The following SHLD1 variants were observed in gnomAD, a reference collection of about 807,000 sequenced individuals.
The protein encoded by SHLD1 is RINN1-REV7-interacting novel NHEJ regulator 3.
A neutral mutation model predicts 5.5 loss-of-function variants in SHLD1; 3 were observed. That is an observed-to-expected ratio of 0.54 (90% confidence interval 0.25 to 1.40). SHLD1 has a LOEUF of 1.40. SHLD1 is among the 40% of genes most tolerant of loss of function. The probability of loss-of-function intolerance (pLI) is 0.15; values close to 1 mark genes in which losing one functional copy is unlikely to be tolerated. For missense variants in SHLD1, 210 were observed against 244.4 expected (o/e 0.86, Z 0.94); for synonymous variants, 92 against 94.3 (o/e 0.98, Z 0.14).
At chr20:5,784,510 G>T (rs1337117854) in intron 2 of SHLD1, among the ~76,000 whole-genome samples, 1 of 151,764 alleles carries the variant, frequency 6.6e-6, no homozygotes, top group Non-Finnish European at 1.5e-5. Flanking sequence ...GAGTGCAGTG[G>T]CGCGATCTCG....
chr20:5,763,728 T>C (rs1037677999), intron 1 of SHLD1, among the ~76,000 whole-genome samples: 2 of 152,148 alleles, frequency 1.3e-5, no homozygotes, highest in Non-Finnish European at 2.9e-5. Context: ...CTTCTGGACA[T>C]GTCCTTAAAG....
At chr20:5,825,618 T>C (rs1397895647) in intron 2 of SHLD1, among the ~76,000 whole-genome samples, 1 of 152,208 alleles carries the variant, frequency 6.6e-6, no homozygotes, top group Non-Finnish European at 1.5e-5. Flanking sequence ...CTCATGCCTG[T>C]AATCCCAGTG....
At chr20:5,825,592 A>G (rs2087656547) in intron 2 of SHLD1, among the ~76,000 whole-genome samples, 6 of 152,208 alleles carry the variant, frequency 3.9e-5, no homozygotes. Flanking sequence ...TTAAAATAAC[A>G]AGGCCGGCAC....
intron 1 of SHLD1, among the ~76,000 whole-genome samples, chr20:5,762,419 A>G (rs1052516827): frequency 6.6e-6 from 1 of 152,132 alleles, no homozygotes; most frequent in African/African-American, 2.4e-5. Context: ...CCACAGGCCC[A>G]CTGGATCTGG....
At chr20:5,762,482 G>C (rs1984522005) in intron 1 of SHLD1, among the ~76,000 whole-genome samples, 1 of 152,038 alleles carries the variant, frequency 6.6e-6, no homozygotes, top group Non-Finnish European at 1.5e-5. Flanking sequence ...TGAGCTTTTG[G>C]CCAATGGCAG....
chr20:5,845,569 T>C lies in SHLD1; in HGVS notation c.179-17455T>C, dbSNP rs977763554. On this transcript the variant is annotated intron_variant, in intron 2 of 2. Transcript: ENST00000303142. ...GAAAGTAAAACTGTGTTGCCTGCATTGCACAGAACTGATGTTAGAATACCT... is the reference window on the plus strand; with the variant it reads ...GAAAGTAAAACTGTGTTGCCTGCATCGCACAGAACTGATGTTAGAATACCT... Among the ~76,000 whole-genome samples the C allele has an allele frequency of 3.9e-5, 6 of 152,356 alleles. No homozygotes were observed. The South Asian group carries it at 1.2e-3, about 32-fold the overall frequency.
rs371905126 is a variant in SHLD1, at chr20:5,792,678, T to A, written c.178+19635T>A. 8.4e-3 allele frequency among the ~76,000 whole-genome samples: 1,000 copies of A among 119,112 alleles called. 14 individuals carry two copies. The highest frequency in any genetic ancestry group is 0.029 in the African/African-American group (942 of 32,086). 78.1% of individuals were successfully genotyped at this position (119,112 alleles called of 152,430 possible). On this transcript the variant is annotated intron_variant, in intron 2 of 2. Transcript: ENST00000303142. ...CAGGTGATCTGCCGTTTTCTTTTTT[T>A]TAAAAAAAAAAAAGAAAAAGAGTCT...
intron 2 of SHLD1, among the ~76,000 whole-genome samples, chr20:5,816,391 CAAT>C (rs1293536808): frequency 6.6e-6 from 1 of 152,014 alleles, no homozygotes; most frequent in Non-Finnish European, 1.5e-5. Context: ...GGTTTGCCAA[CAAT>C]GATTTGAAAA....
chr20:5,759,247 C>T (rs1477307484), intron 1 of SHLD1, among the ~76,000 whole-genome samples: 1 of 151,508 alleles, frequency 6.6e-6, no homozygotes, highest in African/African-American at 2.4e-5. Flanking sequence ...GCCACGGTGC[C>T]CAGCCGACAC....
At chr20:5,846,231 A>G (rs921730879) in intron 2 of SHLD1, among the ~76,000 whole-genome samples, 1 of 152,206 alleles carries the variant, frequency 6.6e-6, no homozygotes, top group African/African-American at 2.4e-5. Flanking sequence ...TGGGAGGCCC[A>G]CAATCTCCTC....
At chr20:5,801,305 A>G (rs1233150992) in intron 2 of SHLD1, among the ~76,000 whole-genome samples, 1 of 151,920 alleles carries the variant, frequency 6.6e-6, no homozygotes, top group Non-Finnish European at 1.5e-5. Context: ...CAAACTCCTT[A>G]CCTCAAGCGA....
chr20:5,766,788 A>G (rs1055891391), intron 1 of SHLD1, among the ~76,000 whole-genome samples: 6 of 152,136 alleles, frequency 3.9e-5, no homozygotes, highest in Non-Finnish European at 8.8e-5. Context: ...CTCTTCTTAT[A>G]GCGTCAGGGT....
intron 2 of SHLD1, among the ~76,000 whole-genome samples, chr20:5,849,908 G>C (rs1444125348): frequency 7.0e-6 from 1 of 143,472 alleles, no homozygotes; most frequent in Non-Finnish European, 1.5e-5. Context: ...GCAGTGAGCC[G>C]AGATTCCGCC....
intron 2 of SHLD1, among the ~76,000 whole-genome samples, chr20:5,835,011 A>G (rs1457186437): frequency 6.6e-6 from 1 of 152,218 alleles, no homozygotes; most frequent in East Asian, 1.9e-4. Flanking sequence ...GGATTTCAAC[A>G]TATGAATAGG....
intron 2 of SHLD1, among the ~76,000 whole-genome samples, chr20:5,790,653 C>T (rs538610638): frequency 1.3e-5 from 2 of 151,844 alleles, no homozygotes; most frequent in Non-Finnish European, 2.9e-5. Flanking sequence ...GGGGTTTCAC[C>T]GTGTTGGCCA....
chr20:5,771,546 T>A (rs1431230565), intron 1 of SHLD1, among the ~76,000 whole-genome samples: 1 of 152,134 alleles, frequency 6.6e-6, no homozygotes, highest in South Asian at 2.1e-4. Flanking sequence ...TCTGTTCATA[T>A]CTTCCACGCA....
intron 2 of SHLD1, among the ~76,000 whole-genome samples, chr20:5,780,710 C>T (rs755035399): frequency 2.0e-4 from 31 of 152,210 alleles, no homozygotes; most frequent in Middle Eastern, 3.2e-3. Context: ...TTTTCCCAGC[C>T]AGGCTTTTTG....
intron 2 of SHLD1, among the ~76,000 whole-genome samples, chr20:5,839,515 A>AGAG (rs1246269885): frequency 2.7e-5 from 4 of 150,556 alleles, no homozygotes; most frequent in African/African-American, 9.9e-5. Flanking sequence ...ATAGATAGAT[A>AGAG]GATAGATAGA....
intron 2 of SHLD1, among the ~76,000 whole-genome samples, chr20:5,794,921 GTAAACTTATT>G (rs2087189650): frequency 1.3e-5 from 1 of 76,038 alleles, no homozygotes; most frequent in African/African-American, 4.8e-5. Context: ...AATAAGATAT[GTAAACTTATT>G]TGTTTACATA....
Sources: allele counts gnomAD v4.1 joint callset (sites outside exome capture counted in the v4.1 genomes callset), GRCh38; gene constraint gnomAD v4.1.1; transcripts MANE v1.5; gene names NCBI Gene and HGNC (gene_info 2026-07-23, HGNC 2026-07-21).